Variants in ESRRG observed in about 807,000 individuals in gnomAD.
ESRRG encodes the protein estrogen-related receptor gamma.
ESRRG carries 13 observed loss-of-function variants against 44.0 expected under a neutral mutation model. The ratio of observed to expected loss-of-function variants is 0.30; its 90% CI spans 0.19 to 0.47. The LOEUF is 0.47. Among genes scored for constraint, ESRRG ranks in the 20% least tolerant of loss-of-function variants. ESRRG has a pLI of 1.00. For synonymous variants in ESRRG, 215 were observed against 214.6 expected (o/e 1.00, Z -0.02); for missense variants, 395 against 580.6 (o/e 0.68, Z 3.29).
At chr1:216,659,541 C>T (rs1427032747) in intron 2 of ESRRG, among the ~76,000 whole-genome samples, 1 of 152,144 alleles carries the variant, frequency 6.6e-6, no homozygotes, top group East Asian at 1.9e-4. Flanking sequence ...AAATCTTATC[C>T]CAGCCTTATC....
rs539812531 is a variant in ESRRG at position 216,581,880 on chromosome 1, C to T, written c.590-13782G>A. 2.8e-4 allele frequency among the ~76,000 whole-genome samples: 43 copies of T among 152,330 alleles called. 1 individual carries two copies. Among genetic ancestry groups the T allele is most frequent in the African/African-American group, 1.0e-3 (42 of 41,586 alleles). On this transcript the variant is annotated intron_variant, in intron 3 of 6. Coordinates refer to ENST00000408911, the MANE Select transcript of ESRRG (RefSeq NM_001438.4). ...TTTAAGTGTTTCCCAAAAATGTTTGCTAATTGTGTGGCCCTCAGGCCACCC... is the reference window on the plus strand; with the variant it reads ...TTTAAGTGTTTCCCAAAAATGTTTGTTAATTGTGTGGCCCTCAGGCCACCC...
At chr1:216,870,296 A>G (rs1264019549) in intron 2 of ESRRG, among the ~76,000 whole-genome samples, 1 of 151,156 alleles carries the variant, frequency 6.6e-6, no homozygotes, top group Non-Finnish European at 1.5e-5. Flanking sequence ...TTGATATCTA[A>G]TATCGAGACA....
At chr1:216,581,054 A>G (rs956407478) in intron 3 of ESRRG, among the ~76,000 whole-genome samples, 1 of 152,238 alleles carries the variant, frequency 6.6e-6, no homozygotes, top group African/African-American at 2.4e-5. Flanking sequence ...ATACAGCTTC[A>G]GATTTGTAGA....
chr1:216,888,250 C>T (rs896126436), intron 2 of ESRRG, among the ~76,000 whole-genome samples: 1 of 152,184 alleles, frequency 6.6e-6, no homozygotes, highest in African/African-American at 2.4e-5. Context: ...ATTACAGCTG[C>T]AGAATTTTTA....
At chr1:216,552,252 T>G (rs2149397716) in intron 5 of ESRRG, among the ~76,000 whole-genome samples, 1 of 152,272 alleles carries the variant, frequency 6.6e-6, no homozygotes, top group Non-Finnish European at 1.5e-5. Context: ...GTTAAGATGA[T>G]AATTTTTAAA....
intron 1 of ESRRG, among the ~76,000 whole-genome samples, chr1:217,053,903 C>A (rs1220491991): frequency 6.6e-6 from 1 of 151,988 alleles, no homozygotes; most frequent in Non-Finnish European, 1.5e-5. Flanking sequence ...CACAAAGGCT[C>A]TTGTGTATGG....
chr1:217,074,452 CA>C (rs10656995), intron 1 of ESRRG, among the ~76,000 whole-genome samples: 2,511 of 138,584 alleles, frequency 0.018, 66 homozygotes, highest in African/African-American at 0.061. Flanking sequence ...CCACCCCCCC[CA>C]AAAAAAAAAA....
intron 2 of ESRRG, among the ~76,000 whole-genome samples, chr1:216,747,369 C>T (rs541415523): frequency 6.6e-6 from 1 of 152,252 alleles, no homozygotes; most frequent in East Asian, 1.9e-4. Context: ...TGTTCATATA[C>T]CTCTTTGTCT....
rs115594359 is a variant in ESRRG, at chr1:216,812,106, G to A, written c.-14+127476C>T. 4.0e-3 allele frequency among the ~76,000 whole-genome samples: 613 copies of A among 152,246 alleles called. 3 individuals are homozygous for A. The highest frequency in any genetic ancestry group is 0.014 in the African/African-American group (591 of 41,550). On this transcript the variant is annotated intron_variant, in intron 2 of 7. Transcript: ENST00000359162. ...GTAACAGACTGTCCTTAGAAAGGTA[G>A]GAGGCATAATTACCCTGGAAATCTC...
chr1:216,571,544 A>G (rs530873794), intron 3 of ESRRG, among the ~76,000 whole-genome samples: 1 of 152,300 alleles, frequency 6.6e-6, no homozygotes, highest in East Asian at 1.9e-4. Flanking sequence ...AAAGGTGACT[A>G]TAGAAAAATT....
chr1:217,108,772 C>T (rs1194558685), intron 1 of ESRRG, among the ~76,000 whole-genome samples: 1 of 152,026 alleles, frequency 6.6e-6, no homozygotes, highest in African/African-American at 2.4e-5. Context: ...CAGCACCAGG[C>T]TTCCTGCAAA....
chr1:216,691,198 A>G (rs1409503465), intron 1 of ESRRG, among the ~76,000 whole-genome samples: 2 of 152,194 alleles, frequency 1.3e-5, no homozygotes, highest in Non-Finnish European at 2.9e-5. Context: ...AATATAGAAT[A>G]AAGAAAAATG....
chr1:216,814,510 C>T (rs2095073969), intron 2 of ESRRG, among the ~76,000 whole-genome samples: 1 of 152,206 alleles, frequency 6.6e-6, no homozygotes. Context: ...AGACACAACT[C>T]ATTATTAATA....
chr1:216,745,272 C>T (rs2091260240), intron 2 of ESRRG, among the ~76,000 whole-genome samples: 1 of 152,150 alleles, frequency 6.6e-6, no homozygotes, highest in African/African-American at 2.4e-5. Context: ...GATCCTCTCA[C>T]TTCCAGCCTC....
At chr1:216,528,094 C>T (rs559328877) in intron 5 of ESRRG, among the ~76,000 whole-genome samples, 14 of 152,180 alleles carry the variant, frequency 9.2e-5, no homozygotes, top group East Asian at 1.9e-4. Context: ...CAAAAAGATG[C>T]GACGTTAGGA....
At chr1:216,579,376 T>A (rs1361318140) in intron 3 of ESRRG, among the ~76,000 whole-genome samples, 1 of 152,254 alleles carries the variant, frequency 6.6e-6, no homozygotes, top group Middle Eastern at 3.4e-3. Flanking sequence ...CATAGTTACA[T>A]GTCCATCTAA....
intron 2 of ESRRG, among the ~76,000 whole-genome samples, chr1:216,835,483 G>T (rs78732290): frequency 6.6e-6 from 1 of 152,134 alleles, no homozygotes; most frequent in Non-Finnish European, 1.5e-5. Context: ...TGTTACAGGC[G>T]CACACTCCCA....
chr1:217,024,083 G>C (rs1490449038), intron 1 of ESRRG, among the ~76,000 whole-genome samples: 1 of 152,228 alleles, frequency 6.6e-6, no homozygotes, highest in Non-Finnish European at 1.5e-5. Flanking sequence ...GTACAGCAGG[G>C]CACTGTGGCT....
chr1:216,597,933 T>C (rs543890243), intron 3 of ESRRG, among the ~76,000 whole-genome samples: 97 of 152,344 alleles, frequency 6.4e-4, no homozygotes, highest in Non-Finnish European at 9.4e-4. Flanking sequence ...GTGACACATA[T>C]GTACATCCAC....
Sources: gnomAD v4.1 joint callset for allele counts (sites outside exome capture counted in the v4.1 genomes callset) on GRCh38, gnomAD v4.1.1 for gene constraint, MANE v1.5 for transcripts, NCBI Gene and HGNC (gene_info 2026-07-23, HGNC 2026-07-21) for gene names.